PALM2AKAP2: variants seen among roughly 807,000 people sequenced by gnomAD.
PALM2AKAP2 encodes the protein PALM2-AKAP2 fusion protein.
In PALM2AKAP2, 37 loss-of-function variants were observed where a neutral mutation model predicts 71.5. The ratio of observed to expected loss-of-function variants is 0.52; its 90% CI spans 0.40 to 0.68. The LOEUF is 0.68. Ranked by LOEUF, PALM2AKAP2 falls within the 30% of genes least tolerant of loss-of-function variation. The probability of loss-of-function intolerance (pLI) is 0.00; values close to 1 mark genes in which losing one functional copy is unlikely to be tolerated. For synonymous variants in PALM2AKAP2, 468 were observed against 478.8 expected (o/e 0.98, Z 0.29); for missense variants, 1,224 against 1,191.8 (o/e 1.03, Z -0.40).
At chr9:110,133,480 G>A (rs1835779282) in intron 1 of PALM2AKAP2, among the ~76,000 whole-genome samples, 1 of 152,078 alleles carries the variant, frequency 6.6e-6, no homozygotes, top group South Asian at 2.1e-4. Flanking sequence ...CTCCCCTCAT[G>A]TTTAATGAAC....
At chr9:109,797,125 G>A (rs1827281855) in intron 1 of PALM2AKAP2, among the ~76,000 whole-genome samples, 2 of 152,052 alleles carry the variant, frequency 1.3e-5, no homozygotes, top group Non-Finnish European at 2.9e-5. Context: ...CCTTCTTGGG[G>A]TTCTTCCCCA....
At chr9:109,705,491 G>A (rs1164503628) in intron 1 of PALM2AKAP2, among the ~76,000 whole-genome samples, 1 of 152,182 alleles carries the variant, frequency 6.6e-6, no homozygotes, top group Non-Finnish European at 1.5e-5. Flanking sequence ...CATCTCCTGT[G>A]GTTCAGTTCT....
intron 6 of PALM2AKAP2, among the ~76,000 whole-genome samples, chr9:109,948,462 C>G (rs529911607): frequency 1.3e-5 from 2 of 152,180 alleles, no homozygotes; most frequent in South Asian, 2.1e-4. Context: ...AGACTTTCTG[C>G]ATCAAAGATC....
At chr9:110,008,304 A>G (rs1039576484) in intron 6 of PALM2AKAP2, among the ~76,000 whole-genome samples, 4 of 152,140 alleles carry the variant, frequency 2.6e-5, no homozygotes, top group Non-Finnish European at 5.9e-5. Flanking sequence ...TCCCAACACA[A>G]CTAAACCGTG....
chr9:109,819,180 G>A (rs1418266289), intron 1 of PALM2AKAP2, among the ~76,000 whole-genome samples: 1 of 152,170 alleles, frequency 6.6e-6, no homozygotes, highest in African/African-American at 2.4e-5. Flanking sequence ...TATAGGTGAT[G>A]GCAAATTGAC....
intron 6 of PALM2AKAP2, among the ~76,000 whole-genome samples, chr9:109,941,664 T>C (rs139595423): frequency 6.6e-6 from 1 of 152,270 alleles, no homozygotes; most frequent in African/African-American, 2.4e-5. Flanking sequence ...CACAGTTTCT[T>C]CCCATCCAGG....
intron 5 of PALM2AKAP2, among the ~76,000 whole-genome samples, chr9:109,931,474 G>T (rs921887138): frequency 8.5e-5 from 13 of 152,154 alleles, no homozygotes; most frequent in African/African-American, 2.7e-4. Context: ...GCCAGTTCAG[G>T]GAATGAACCC....
chr9:110,034,166 TG>T (rs561589683), intron 7 of PALM2AKAP2, among the ~76,000 whole-genome samples: 1 of 152,206 alleles, frequency 6.6e-6, no homozygotes, highest in South Asian at 2.1e-4. Flanking sequence ...TTTTTTCTAT[TG>T]TTTTTTTGAG....
At chr9:110,133,937 T>C (rs1835789597) in intron 1 of PALM2AKAP2, among the ~76,000 whole-genome samples, 1 of 152,206 alleles carries the variant, frequency 6.6e-6, no homozygotes. Context: ...TGCTTAATGA[T>C]ATATGAGTAG....
At chr9:109,640,956 G>A (rs1405712698) in intron 1 of PALM2AKAP2, 7 of 1,428,086 alleles carry the variant, frequency 4.9e-6, no homozygotes, top group African/African-American at 4.5e-5. Context: ...GCTCGGGTCC[G>A]CGTCCAGGAT....
intron 7 of PALM2AKAP2, among the ~76,000 whole-genome samples, chr9:110,037,232 C>G (rs1833428863): frequency 6.6e-6 from 1 of 151,788 alleles, no homozygotes; most frequent in Non-Finnish European, 1.5e-5. Flanking sequence ...CAGAGTTTCA[C>G]TCTTGTTGCC....
intron 1 of PALM2AKAP2, among the ~76,000 whole-genome samples, chr9:109,651,939 T>C (rs1368511721): frequency 2.6e-5 from 4 of 152,210 alleles, no homozygotes; most frequent in African/African-American, 9.6e-5. Flanking sequence ...AATTCTGTTT[T>C]TGTAAATAGG....
chr9:109,648,043 G>A (rs1827177522), intron 1 of PALM2AKAP2, among the ~76,000 whole-genome samples: 1 of 152,172 alleles, frequency 6.6e-6, no homozygotes. Context: ...TATGGGGATG[G>A]TTTCCCCCAT....
At position 109,702,361 on chromosome 9, in the gene PALM2AKAP2, T is replaced by G. The variant is rs367655360; in HGVS notation, c.5+61495T>G. 1.7e-3 allele frequency among the ~76,000 whole-genome samples: 254 copies of G among 152,234 alleles called. 1 individual carries two copies. In the East Asian group the frequency reaches 0.021, roughly 13 times the overall value. On this transcript the variant is annotated intron_variant, in intron 1 of 6. Transcript: ENST00000374531. ...CCAACCCAAATGTCCAACAATGATA[T>G]ACTGGATTAAGAAAATGTGGCACAT...
chr9:109,683,872 T>A (rs1349203203), intron 1 of PALM2AKAP2, among the ~76,000 whole-genome samples: 1 of 152,090 alleles, frequency 6.6e-6, no homozygotes, highest in Non-Finnish European at 1.5e-5. Context: ...ATGTATAATA[T>A]ACATTATATA....
At chr9:109,992,862 A>C (rs1832509886) in intron 6 of PALM2AKAP2, among the ~76,000 whole-genome samples, 1 of 151,960 alleles carries the variant, frequency 6.6e-6, no homozygotes, top group Non-Finnish European at 1.5e-5. Context: ...GTGAAATGTC[A>C]CATGCACGGA....
chr9:109,868,639 C>T (rs948845444), intron 2 of PALM2AKAP2, among the ~76,000 whole-genome samples: 7 of 152,202 alleles, frequency 4.6e-5, no homozygotes, highest in Admixed American at 6.5e-5. Context: ...CATCAGCAAG[C>T]GAGTTACTGA....
At chr9:109,760,161 TTG>T (rs1172942783) in intron 1 of PALM2AKAP2, among the ~76,000 whole-genome samples, 9 of 152,156 alleles carry the variant, frequency 5.9e-5, no homozygotes, top group Admixed American at 5.2e-4. Context: ...CTGTAGCATT[TTG>T]TGTCTATTTT....
intron 1 of PALM2AKAP2, among the ~76,000 whole-genome samples, chr9:109,751,432 T>C (rs1162847328): frequency 6.6e-6 from 1 of 152,160 alleles, no homozygotes; most frequent in Non-Finnish European, 1.5e-5. Flanking sequence ...AAAAGAATGT[T>C]TCTTTTGTTT....
Sources: gnomAD v4.1 joint callset for allele counts (sites outside exome capture counted in the v4.1 genomes callset) on GRCh38, gnomAD v4.1.1 for gene constraint, MANE v1.5 for transcripts, NCBI Gene and HGNC (gene_info 2026-07-23, HGNC 2026-07-21) for gene names.